The following NCAPG2 variants were observed in gnomAD, a reference collection of about 807,000 sequenced individuals.
NCAPG2 encodes non-SMC condensin II complex subunit G2.
NCAPG2 carries 53 observed loss-of-function variants against 141.1 expected under a neutral mutation model. The observed-to-expected ratio is 0.38, with a 90% confidence interval of 0.30 to 0.47. NCAPG2 has a LOEUF of 0.47. Ranked by LOEUF, NCAPG2 falls within the 20% of genes least tolerant of loss-of-function variation. The pLI, the probability that NCAPG2 is intolerant of heterozygous loss-of-function variation, is 0.99. For missense variants in NCAPG2, 1,087 were observed against 1,389.0 expected (o/e 0.78, Z 3.46); for synonymous variants, 499 against 490.7 (o/e 1.02, Z -0.22).
rs1835072909 is a variant in NCAPG2 at position 158,690,834 on chromosome 7, A to T, written c.383-112T>A. On this transcript the variant is annotated intron_variant, in intron 4 of 27. Transcript: ENST00000356309. ...TATTATTTAAAGCTTTGCTAAGCAA[A>T]TAATATTAGTTATGTTTAACTTGCC... 5 of 942,540 alleles carry T rather than the reference A, an allele frequency of 5.3e-6. No homozygotes were observed. The South Asian group carries it at 1.1e-4, about 21-fold the overall frequency. 58.4% of individuals were successfully genotyped at this position (942,540 alleles called of 1,614,324 possible). A position where few individuals can be genotyped will look rare whatever the true frequency, so the allele number is the denominator to read the frequency against.
At chr7:158,671,910 TAAAGCAATTATAA>T (rs1179446135) in intron 12 of NCAPG2, among the ~76,000 whole-genome samples, 4 of 152,158 alleles carry the variant, frequency 2.6e-5, no homozygotes. Flanking sequence ...CAAATAAGAT[TAAAGCAATTATAA>T]AAGAAATCTT....
At chr7:158,667,518 GCC>G in intron 13 of NCAPG2, among the ~76,000 whole-genome samples, 1 of 63,398 alleles carries the variant, frequency 1.6e-5, no homozygotes, top group Admixed American at 2.1e-4. Flanking sequence ...GGGTCCCTCC[GCC>G]CTCCTTACCT....
Position 158,662,375 on chromosome 7 carries a change from A to G in NCAPG2, c.1816-8T>C. On this transcript the variant is annotated splice_polypyrimidine_tract_variant and splice_region_variant and intron_variant, in intron 15 of 27. Coordinates refer to ENST00000356309, the MANE Select transcript of NCAPG2 (RefSeq NM_017760.7). ...CAGTGTTTTGTCCAGAACCTAAGAT[A>G]AAAATAATTTTATTGTGAAAGGATC... 6.5e-7 allele frequency: 1 copy of G among 1,542,104 alleles called. No individual in the cohort carries two copies. Among genetic ancestry groups the G allele is most frequent in the Non-Finnish European group, 8.7e-7 (1 of 1,147,398 alleles).
rs781578992 is a variant in NCAPG2, at chr7:158,689,945, G to A, written c.546C>T (p.Asp182=). The A allele has an allele frequency of 7.7e-6, 12 of 1,558,866 alleles. No homozygotes were observed. The highest frequency in any genetic ancestry group is 2.5e-5 in the South Asian group (2 of 79,228). The change falls in exon 6 of 28, where the codon GAC becomes GAT. Residue 182 remains aspartate, a synonymous_variant. Transcript: ENST00000356309. ...RRSLETKTGA[D]VCRLWRIHQA... ...GATGGATACGCCAAAGCCGACATAC[G>A]TCTGCACCCTAGGAATGACACAAAA... is the stretch of plus-strand genomic sequence containing the variant.
chr7:158,660,925 T>C (rs763678673), intron 16 of NCAPG2, among the ~76,000 whole-genome samples: 8 of 152,176 alleles, frequency 5.3e-5, no homozygotes, highest in African/African-American at 2.4e-5. Context: ...CCTTTGTGCT[T>C]GGCTCTCATT....
intron 27 of NCAPG2, among the ~76,000 whole-genome samples, chr7:158,639,644 A>C (rs1830505916): frequency 6.6e-6 from 1 of 152,244 alleles, no homozygotes; most frequent in Admixed American, 6.5e-5. Flanking sequence ...AAACAGGGAA[A>C]AGTCATCCCA....
chr7:158,667,159 A>G (rs908803168), intron 13 of NCAPG2: 142 of 985,214 alleles, frequency 1.4e-4, no homozygotes, highest in Non-Finnish European at 1.6e-4. Context: ...TCACAACCAA[A>G]TGGCTGTCTG....
chr7:158,654,999 CTG>C (rs1831797626), intron 21 of NCAPG2, 117 bp downstream of exon 21: 9 of 1,140,608 alleles, frequency 7.9e-6, no homozygotes, highest in Non-Finnish European at 1.1e-5. Flanking sequence ...ATAAATGTCC[CTG>C]TAAGTTTTTA....
At chr7:158,664,118 C>A in intron 15 of NCAPG2, 66 bp downstream of exon 15, 3 of 1,203,948 alleles carry the variant, frequency 2.5e-6, no homozygotes, top group South Asian at 1.3e-5. Context: ...ATATTCCTAA[C>A]ATAATGGCCC....
At chr7:158,672,127 C>T (rs1026389781) in intron 12 of NCAPG2, among the ~76,000 whole-genome samples, 2 of 151,804 alleles carry the variant, frequency 1.3e-5, no homozygotes, top group South Asian at 2.1e-4. Flanking sequence ...ACAGTGGCCA[C>T]GTAGCAGGTG....
chr7:158,632,898 C>T (rs191018104), intron 27 of NCAPG2, among the ~76,000 whole-genome samples: 1 of 152,146 alleles, frequency 6.6e-6, no homozygotes, highest in Non-Finnish European at 1.5e-5. Flanking sequence ...TCCATACTGT[C>T]TTCAAAACCT....
chr7:158,704,296 G>A (rs1836016586), intron 1 of NCAPG2, among the ~76,000 whole-genome samples: 1 of 147,476 alleles, frequency 6.8e-6, no homozygotes, highest in Admixed American at 6.7e-5. Flanking sequence ...CGCTCTCTGA[G>A]GGTAGTGCCC....
chr7:158,637,647 T>C (rs1328877335), intron 27 of NCAPG2, among the ~76,000 whole-genome samples: 2 of 9,810 alleles, frequency 2.0e-4, no homozygotes, highest in South Asian at 5.9e-3. Flanking sequence ...CCCAGGTGAG[T>C]GGACGTCCTC....
At chr7:158,637,108 C>A (rs147445743) in intron 27 of NCAPG2, among the ~76,000 whole-genome samples, 6 of 151,984 alleles carry the variant, frequency 3.9e-5, no homozygotes, top group Non-Finnish European at 1.5e-5. Context: ...CCACCATGCC[C>A]GGCTAATTTT....
At chr7:158,648,496 T>TA (rs138968761) in intron 24 of NCAPG2, among the ~76,000 whole-genome samples, 53,093 of 105,518 alleles carry the variant, frequency 0.5, 13,462 homozygotes, top group Non-Finnish European at 0.56. Context: ...TCAAATGGAC[T>TA]AAAAAAAAAA....
intron 27 of NCAPG2, among the ~76,000 whole-genome samples, chr7:158,642,818 C>T (rs1021634343): frequency 2.6e-5 from 4 of 152,020 alleles, no homozygotes; most frequent in Admixed American, 6.5e-5. Flanking sequence ...AAAAAATAAA[C>T]GAAACCAAAA....
At chr7:158,658,664 C>T (rs966264521) in intron 16 of NCAPG2, among the ~76,000 whole-genome samples, 3 of 152,130 alleles carry the variant, frequency 2.0e-5, no homozygotes, top group Admixed American at 6.5e-5. Flanking sequence ...TGCTATGTAC[C>T]CAGTACCAAT....
Position 158,656,258 on chromosome 7 carries a change from AC to A in NCAPG2, c.2388+1del, listed in dbSNP as rs1831964728. On this transcript the variant is annotated splice_donor_variant, in intron 19 of 27. Transcript: ENST00000356309. LOFTEE classifies it high-confidence loss of function. ...CACTCAACTCTCAGGGCACAGAGTTACCTTTGACGTTTCAAGGGCTTTCAAA... is the reference window on the plus strand; with the variant it reads ...CACTCAACTCTCAGGGCACAGAGTTACTTTGACGTTTCAAGGGCTTTCAAA... 1 of 1,613,638 alleles carries A rather than the reference AC, an allele frequency of 6.2e-7. No individual in the cohort carries two copies. Among genetic ancestry groups the A allele is most frequent in the African/African-American group, 1.3e-5 (1 of 74,932 alleles).
At chr7:158,703,786 T>C (rs1232198416) in intron 1 of NCAPG2, 2 of 152,460 alleles carry the variant, frequency 1.3e-5, no homozygotes, top group African/African-American at 4.8e-5. Flanking sequence ...CCAAACTCCT[T>C]CCTCATGGAC....
Sources: allele counts gnomAD v4.1 joint callset (sites outside exome capture counted in the v4.1 genomes callset), GRCh38; gene constraint gnomAD v4.1.1; transcripts MANE v1.5; gene names NCBI Gene and HGNC (gene_info 2026-07-23, HGNC 2026-07-21).